Variants in TTC29 observed in about 807,000 individuals in gnomAD.
The protein encoded by TTC29 is tetratricopeptide repeat domain 29.
A neutral mutation model predicts 58.1 loss-of-function variants in TTC29; 49 were observed. The observed-to-expected ratio is 0.84, with a 90% CI of 0.67 to 1.07. The LOEUF (loss-of-function observed/expected upper bound fraction) is 1.07, where lower values mean the gene tolerates loss of function less well. Among genes scored for constraint, TTC29 ranks in the 50% least tolerant of loss-of-function variants. The pLI is 0.00. For synonymous variants in TTC29, 209 were observed against 196.8 expected, an observed-to-expected ratio of 1.06 and a Z score of -0.52; for missense variants, 582 against 555.6, an observed-to-expected ratio of 1.05 and a Z score of -0.48.
chr4:146,828,863 T>A (rs1297127635), intron 9 of TTC29, among the ~76,000 whole-genome samples: 1 of 152,232 alleles, frequency 6.6e-6, no homozygotes, highest in Non-Finnish European at 1.5e-5. Flanking sequence ...AACTTGTTAA[T>A]GTAACATCTG....
chr4:146,715,617 G>A (rs373361476), intron 11 of TTC29, among the ~76,000 whole-genome samples: 26 of 152,184 alleles, frequency 1.7e-4, no homozygotes, highest in East Asian at 1.4e-3. Flanking sequence ...GGGAAGGGTC[G>A]GGGGATGGGA....
chr4:146,838,985 C>T (rs1189565668), intron 8 of TTC29, among the ~76,000 whole-genome samples: 1 of 151,976 alleles, frequency 6.6e-6, no homozygotes, highest in East Asian at 1.9e-4. Flanking sequence ...CCCCTGACCC[C>T]TCTGTCCAGC....
intron 11 of TTC29, among the ~76,000 whole-genome samples, chr4:146,788,501 G>C (rs182018005): frequency 3.4e-4 from 51 of 152,086 alleles, no homozygotes; most frequent in Non-Finnish European, 3.7e-4. Context: ...CATGTGATTC[G>C]TAATATAGCT....
intron 10 of TTC29, among the ~76,000 whole-genome samples, chr4:146,811,207 A>G (rs1751000395): frequency 6.6e-6 from 1 of 152,174 alleles, no homozygotes; most frequent in Non-Finnish European, 1.5e-5. Context: ...TACTGTTTAC[A>G]TGGCTCTTAT....
At chr4:146,873,820 A>G (rs1731085641) in intron 7 of TTC29, among the ~76,000 whole-genome samples, 3 of 152,210 alleles carry the variant, frequency 2.0e-5, no homozygotes, top group Non-Finnish European at 4.4e-5. Context: ...AATTAAAATT[A>G]CACCCAGAAA....
intron 8 of TTC29, among the ~76,000 whole-genome samples, chr4:146,843,472 A>T (rs939774501): frequency 1.3e-5 from 2 of 152,126 alleles, no homozygotes; most frequent in Non-Finnish European, 2.9e-5. Context: ...TCTCCCATAC[A>T]TTGACTGCTT....
chr4:146,720,729 G>C (rs933730572), intron 11 of TTC29, among the ~76,000 whole-genome samples: 2 of 152,040 alleles, frequency 1.3e-5, no homozygotes, highest in African/African-American at 4.8e-5. Flanking sequence ...TTTTGACTAA[G>C]CATATTTTTT....
At chr4:146,899,417 A>T (rs1315264961) in intron 6 of TTC29, among the ~76,000 whole-genome samples, 3 of 152,198 alleles carry the variant, frequency 2.0e-5, no homozygotes, top group Non-Finnish European at 4.4e-5. Context: ...GCATAATAAA[A>T]ACCTTACAAA....
chr4:146,857,069 G>A (rs1440420856), intron 8 of TTC29, among the ~76,000 whole-genome samples: 3 of 120,490 alleles, frequency 2.5e-5, no homozygotes, highest in African/African-American at 1.1e-4. Context: ...TTTATACTAT[G>A]CCTTAAGATT....
chr4:146,753,149 T>C (rs1251587562), intron 11 of TTC29, among the ~76,000 whole-genome samples: 1 of 152,048 alleles, frequency 6.6e-6, no homozygotes, highest in East Asian at 1.9e-4. Flanking sequence ...TGCAACCTAC[T>C]CATCTGTCAA....
intron 4 of TTC29, among the ~76,000 whole-genome samples, chr4:146,932,784 C>T (rs57148768): frequency 0.012 from 1,848 of 152,114 alleles, 42 homozygotes; most frequent in African/African-American, 0.041. Context: ...AGGCCAGGCG[C>T]GGTGGTTCAC....
At chr4:146,943,169 C>CTTT (rs61184684) in intron 2 of TTC29, among the ~76,000 whole-genome samples, 9 of 59,494 alleles carry the variant, frequency 1.5e-4, no homozygotes, top group East Asian at 7.1e-4. Flanking sequence ...ATCAACTGTG[C>CTTT]TTTTTTTTTT....
intron 6 of TTC29, among the ~76,000 whole-genome samples, chr4:146,897,069 C>A (rs1732819075): frequency 1.3e-5 from 2 of 152,116 alleles, no homozygotes; most frequent in African/African-American, 4.8e-5. Context: ...CAAAGGCAAG[C>A]AGAGTGGACA....
Position 146,903,623 on chromosome 4 carries a change from A to G in TTC29, c.507T>C (p.Ile169=), listed in dbSNP as rs1733310418. ...CACAGTCAATTTTGATCAGCTGAGC[A>G]ATCTTAAAACATCGTTCATAGAAGT... is the stretch of plus-strand genomic sequence containing the variant. The part of the protein sequence containing the change: ...RNHFYERCFK[I]AQLIKIDCGK... Residue 169 remains isoleucine, a synonymous_variant, in exon 6 of 13, where the codon ATT becomes ATC. Coordinates refer to ENST00000325106, the MANE Select transcript of TTC29 (RefSeq NM_031956.4). 3 of 1,613,050 alleles carry G rather than the reference A, an allele frequency of 1.9e-6. No homozygotes were observed. In the South Asian group the frequency reaches 3.3e-5, roughly 18 times the overall value.
At chr4:146,889,442 A>T (rs1052530153) in intron 6 of TTC29, among the ~76,000 whole-genome samples, 2 of 152,176 alleles carry the variant, frequency 1.3e-5, no homozygotes, top group African/African-American at 4.8e-5. Flanking sequence ...AAAAGGAATA[A>T]TAAATCTCCC....
chr4:146,791,472 C>T (rs528600051), intron 11 of TTC29, among the ~76,000 whole-genome samples: 6 of 152,102 alleles, frequency 3.9e-5, no homozygotes, highest in Non-Finnish European at 7.4e-5. Flanking sequence ...ATGAATTTAA[C>T]TGATAAATGT....
chr4:146,767,341 C>T (rs2060115169), intron 11 of TTC29, among the ~76,000 whole-genome samples: 1 of 151,804 alleles, frequency 6.6e-6, no homozygotes, highest in Admixed American at 6.6e-5. Flanking sequence ...TTGACAACTG[C>T]TCTGGGTCTC....
rs548980519 is a variant in TTC29 at position 146,848,256 on chromosome 4, C to T, written c.886-14359G>A. Among the ~76,000 whole-genome samples, 273 of 152,274 alleles carry T rather than the reference C, an allele frequency of 1.8e-3. 1 individual carries two copies. Among genetic ancestry groups the T allele is most frequent in the African/African-American group, 6.3e-3 (262 of 41,564 alleles). ...TATAATAAAGCATTAATCGAGTATA[C>T]TTTTATTGACTGAATAAAATTCAAG... On this transcript the variant is annotated intron_variant, in intron 8 of 12. Coordinates refer to ENST00000325106, the MANE Select transcript of TTC29 (RefSeq NM_031956.4).
intron 6 of TTC29, among the ~76,000 whole-genome samples, chr4:146,877,035 G>A (rs1731310385): frequency 6.6e-6 from 1 of 151,850 alleles, no homozygotes; most frequent in African/African-American, 2.4e-5. Context: ...CATACAGAAG[G>A]GGCAATGTGT....
Sources: gnomAD v4.1 joint callset for allele counts (sites outside exome capture counted in the v4.1 genomes callset) on GRCh38, gnomAD v4.1.1 for gene constraint, MANE v1.5 for transcripts, NCBI Gene and HGNC (gene_info 2026-07-23, HGNC 2026-07-21) for gene names.